Variants in CSMD1 observed in about 807,000 individuals in gnomAD.
CSMD1 encodes the protein CUB and Sushi multiple domains 1.
A neutral mutation model predicts 417.5 loss-of-function variants in CSMD1; 213 were observed. The observed-to-expected ratio is 0.51, with a 90% confidence interval of 0.46 to 0.57. The LOEUF (loss-of-function observed/expected upper bound fraction) is 0.57, where lower values mean the gene tolerates loss of function less well. Among genes scored for constraint, CSMD1 ranks in the 20% least tolerant of loss-of-function variants. The probability of loss-of-function intolerance (pLI) is 0.00; values close to 1 mark genes in which losing one functional copy is unlikely to be tolerated. For missense variants in CSMD1, 6,923 were observed against 4,529.7 expected (o/e 1.53, Z -15.17); for synonymous variants, 2,862 against 1,736.8 (o/e 1.65, Z -16.11).
chr8:3,673,946 T>C (rs575084046), intron 7 of CSMD1, among the ~76,000 whole-genome samples: 1 of 152,152 alleles, frequency 6.6e-6, no homozygotes, highest in South Asian at 2.1e-4. Context: ...GGCACAATCA[T>C]GTCTCTAATC....
At chr8:3,793,956 C>T (rs543165279) in intron 5 of CSMD1, among the ~76,000 whole-genome samples, 7 of 152,264 alleles carry the variant, frequency 4.6e-5, no homozygotes, top group African/African-American at 1.7e-4. Context: ...GTAAATGCTG[C>T]TATGTGTAAT....
At chr8:4,250,709 C>G (rs1336466784) in intron 3 of CSMD1, among the ~76,000 whole-genome samples, 3 of 152,044 alleles carry the variant, frequency 2.0e-5, no homozygotes, top group Admixed American at 1.3e-4. Flanking sequence ...TCAGAAGTCC[C>G]TTCCTTGAGC....
At chr8:3,762,926 C>A (rs1029869168) in intron 5 of CSMD1, among the ~76,000 whole-genome samples, 1 of 151,772 alleles carries the variant, frequency 6.6e-6, no homozygotes, top group Non-Finnish European at 1.5e-5. Context: ...CCTGCCTACG[C>A]CCCACAGAGT....
Position 3,421,689 on chromosome 8 carries a change from G to A in CSMD1, c.1562-12084C>T, listed in dbSNP as rs565188810. Among the ~76,000 whole-genome samples the A allele has an allele frequency of 4.6e-5, 7 of 152,270 alleles. No individual in the cohort carries two copies. The South Asian group carries it at 1.4e-3, about 32-fold the overall frequency. On this transcript the variant is annotated intron_variant, in intron 12 of 69. Transcript: ENST00000635120. ...GTCTTGCTCTGTTGCCCAGACTGCA[G>A]TGCACTGCTGTAATCTTGGCTCGCT...
intron 5 of CSMD1, chr8:3,949,881 A>T (rs917445615): frequency 1.5e-5 from 7 of 455,648 alleles, no homozygotes; most frequent in African/African-American, 1.2e-4. Context: ...TTCAGCCCCA[A>T]TTCAAGATTG....
At chr8:3,704,322 A>G (rs747381547) in intron 7 of CSMD1, among the ~76,000 whole-genome samples, 12 of 152,148 alleles carry the variant, frequency 7.9e-5, no homozygotes, top group Non-Finnish European at 1.5e-4. Context: ...GCGAGCTCCC[A>G]GGAAAAATTT....
At chr8:3,724,887 C>T (rs1005319160) in intron 6 of CSMD1, among the ~76,000 whole-genome samples, 1 of 152,202 alleles carries the variant, frequency 6.6e-6, no homozygotes, top group African/African-American at 2.4e-5. Context: ...ACTATTGTCG[C>T]TATTAGATCT....
At chr8:4,001,524 C>G (rs1003250042) in intron 4 of CSMD1, among the ~76,000 whole-genome samples, 1 of 152,142 alleles carries the variant, frequency 6.6e-6, no homozygotes, top group Non-Finnish European at 1.5e-5. Context: ...AGTACCAACC[C>G]TGATCAAATG....
chr8:3,455,966 G>A (rs994010814), intron 12 of CSMD1, among the ~76,000 whole-genome samples: 3 of 152,182 alleles, frequency 2.0e-5, no homozygotes, highest in Admixed American at 1.3e-4. Flanking sequence ...CACCCAGTTC[G>A]AGCTTCCGGG....
intron 3 of CSMD1, among the ~76,000 whole-genome samples, chr8:4,363,785 T>C (rs569356232): frequency 3.1e-4 from 47 of 152,348 alleles, no homozygotes; most frequent in African/African-American, 9.9e-4. Flanking sequence ...CCACTATGTA[T>C]ATGTATCTCA....
At chr8:3,535,600 A>C (rs1055399734) in intron 10 of CSMD1, among the ~76,000 whole-genome samples, 2 of 152,210 alleles carry the variant, frequency 1.3e-5, no homozygotes, top group Non-Finnish European at 2.9e-5. Flanking sequence ...GAAATAACTT[A>C]ATGGGTATAA....
intron 50 of CSMD1, among the ~76,000 whole-genome samples, chr8:3,031,091 C>A (rs1006357173): frequency 9.2e-5 from 14 of 151,736 alleles, no homozygotes; most frequent in Admixed American, 2.6e-4. Flanking sequence ...TTTTCTCCAG[C>A]CAAAATACTC....
intron 3 of CSMD1, among the ~76,000 whole-genome samples, chr8:4,052,489 G>C (rs73658560): frequency 3.9e-5 from 6 of 152,254 alleles, no homozygotes; most frequent in Admixed American, 2.0e-4. Context: ...CCCAGGGTCA[G>C]AGTGCAGTGG....
At chr8:4,209,523 C>T (rs1198405537) in intron 3 of CSMD1, among the ~76,000 whole-genome samples, 1 of 152,200 alleles carries the variant, frequency 6.6e-6, no homozygotes, top group Non-Finnish European at 1.5e-5. Context: ...CTCTGGGAAA[C>T]AGGAGCCGCG....
chr8:4,416,087 A>G (rs1796921886), intron 3 of CSMD1, among the ~76,000 whole-genome samples: 1 of 152,208 alleles, frequency 6.6e-6, no homozygotes, highest in East Asian at 1.9e-4. Flanking sequence ...GTCTTTGCCA[A>G]TTGTTATGAA....
intron 6 of CSMD1, among the ~76,000 whole-genome samples, chr8:3,714,498 G>C (rs1045339115): frequency 1.4e-5 from 2 of 138,200 alleles, no homozygotes; most frequent in African/African-American, 5.3e-5. Flanking sequence ...TGAGACAGGG[G>C]ATCACATGAA....
chr8:3,571,335 T>TAGCATA (rs1799934180), intron 10 of CSMD1, among the ~76,000 whole-genome samples: 1 of 152,188 alleles, frequency 6.6e-6, no homozygotes, highest in Non-Finnish European at 1.5e-5. Flanking sequence ...CTGTGCCTAA[T>TAGCATA]AGCATACACA....
intron 5 of CSMD1, among the ~76,000 whole-genome samples, chr8:3,801,184 G>A (rs563871218): frequency 6.6e-6 from 1 of 151,406 alleles, no homozygotes; most frequent in Non-Finnish European, 1.5e-5. Context: ...TCCACATAAT[G>A]AGAGAAAATA....
At chr8:4,481,716 T>C (rs967293322) in intron 2 of CSMD1, among the ~76,000 whole-genome samples, 1 of 152,204 alleles carries the variant, frequency 6.6e-6, no homozygotes, top group African/African-American at 2.4e-5. Context: ...TTCCATATAT[T>C]AGACTACTTC....
Sources: gnomAD v4.1 joint callset for allele counts (sites outside exome capture counted in the v4.1 genomes callset) on GRCh38, gnomAD v4.1.1 for gene constraint, MANE v1.5 for transcripts, NCBI Gene and HGNC (gene_info 2026-07-23, HGNC 2026-07-21) for gene names.